ITPR2: variants seen among roughly 807,000 people sequenced by gnomAD.
ITPR2 encodes inositol 1,4,5-trisphosphate-gated calcium channel ITPR2.
A neutral mutation model predicts 317.1 loss-of-function variants in ITPR2; 207 were observed. The observed-to-expected ratio is 0.65, with a 90% confidence interval of 0.58 to 0.73. The LOEUF (loss-of-function observed/expected upper bound fraction) is 0.73. Among genes scored for constraint, ITPR2 ranks in the 30% least tolerant of loss-of-function variants. The pLI is 0.00. For synonymous variants in ITPR2, 1,156 were observed against 1,149.1 expected (o/e 1.01, Z -0.12); for missense variants, 2,613 against 3,284.0 (o/e 0.80, Z 4.99).
chr12:26,681,815 G>T, intron 13 of ITPR2, 59 bp downstream of exon 13: 2 of 1,235,478 alleles, frequency 1.6e-6, no homozygotes, highest in Non-Finnish European at 2.3e-6. Context: ...TTCATATCAG[G>T]CTTACTATAA....
intron 1 of ITPR2, among the ~76,000 whole-genome samples, chr12:26,825,590 C>T (rs190608412): frequency 1.3e-5 from 2 of 152,212 alleles, no homozygotes; most frequent in East Asian, 3.9e-4. Context: ...TAGAATAAAG[C>T]CAAGCAGTTA....
intron 2 of ITPR2, among the ~76,000 whole-genome samples, chr12:26,761,860 A>C (rs1949641284): frequency 6.6e-6 from 1 of 152,210 alleles, no homozygotes; most frequent in Non-Finnish European, 1.5e-5. Flanking sequence ...AACCAGGAAA[A>C]CAATTACACA....
chr12:26,395,589 C>T (rs889523079), intron 54 of ITPR2, among the ~76,000 whole-genome samples: 5 of 115,734 alleles, frequency 4.3e-5, no homozygotes, highest in Non-Finnish European at 8.1e-5. Context: ...TGATTATGAC[C>T]GTGAAAAAAA....
chr12:26,350,866 C>T (rs1385518388), intron 55 of ITPR2, among the ~76,000 whole-genome samples: 1 of 152,214 alleles, frequency 6.6e-6, no homozygotes, highest in Non-Finnish European at 1.5e-5. Context: ...TCCAGCCAAC[C>T]ATAAGCCTTA....
intron 9 of ITPR2, among the ~76,000 whole-genome samples, chr12:26,701,270 T>A (rs1948441091): frequency 6.6e-6 from 1 of 152,238 alleles, no homozygotes; most frequent in Admixed American, 6.5e-5. Context: ...AGTTTTTAAG[T>A]CCATAATACC....
At chr12:26,441,360 G>T (rs934186253) in intron 46 of ITPR2, among the ~76,000 whole-genome samples, 1 of 152,110 alleles carries the variant, frequency 6.6e-6, no homozygotes, top group Non-Finnish European at 1.5e-5. Flanking sequence ...TCAATAACAT[G>T]AATTGTTGTG....
rs74475399 is a variant in ITPR2, at chr12:26,570,595, T to C, written c.4630+8118A>G. ...ATTGATGTTTATTATTCAAAACATTTGTAAAAGATATTTTATGGAATTTCC... is the reference window on the plus strand; with the variant it reads ...ATTGATGTTTATTATTCAAAACATTCGTAAAAGATATTTTATGGAATTTCC... On this transcript the variant is annotated intron_variant, in intron 34 of 56. Transcript: ENST00000381340. Among the ~76,000 whole-genome samples the C allele has an allele frequency of 7.6e-3, 1,160 of 152,334 alleles. 4 individuals are homozygous for C. The highest frequency in any genetic ancestry group is 0.027 in the African/African-American group (1,105 of 41,558).
chr12:26,669,612 G>C (rs1207494166), intron 13 of ITPR2, among the ~76,000 whole-genome samples: 2 of 152,222 alleles, frequency 1.3e-5, no homozygotes, highest in African/African-American at 4.8e-5. Context: ...AGCTCCCAGC[G>C]TGAGTGAAGC....
intron 1 of ITPR2, 128 bp downstream of exon 1, chr12:26,832,562 C>T (rs1274739518): frequency 1.0e-5 from 6 of 583,632 alleles, no homozygotes; most frequent in Non-Finnish European, 2.9e-6. Context: ...GCGCTGTCCG[C>T]GGGCGCCGAC....
chr12:26,551,314 A>G (rs745945827), intron 36 of ITPR2, among the ~76,000 whole-genome samples: 4 of 152,190 alleles, frequency 2.6e-5, no homozygotes, highest in Non-Finnish European at 4.4e-5. Context: ...TTACCCTCAC[A>G]CCAAGCCTAT....
rs367973764 is a variant in ITPR2 at position 26,783,189 on chromosome 12, A to T, written c.163+6968T>A. On this transcript the variant is annotated intron_variant, in intron 2 of 56. Coordinates refer to ENST00000381340, the MANE Select transcript of ITPR2 (RefSeq NM_002223.4). Reference sequence around the variant, plus strand: ...GCACAGCAATGAAATTCTCTATATTAGTTCCAATTCCTGAAGCATTCTGAC... The same window carrying T: ...GCACAGCAATGAAATTCTCTATATTTGTTCCAATTCCTGAAGCATTCTGAC... Among the ~76,000 whole-genome samples the T allele has an allele frequency of 9.2e-5, 14 of 152,350 alleles. No homozygotes were observed. The East Asian group carries it at 1.3e-3, about 15-fold the overall frequency.
intron 22 of ITPR2, among the ~76,000 whole-genome samples, 155 bp downstream of exon 22, chr12:26,631,711 T>C (rs537725508): frequency 1.3e-5 from 2 of 152,380 alleles, no homozygotes; most frequent in South Asian, 4.1e-4. Context: ...GTCTGTGTGA[T>C]ATTTTTTACC....
At position 26,469,144 on chromosome 12, in the gene ITPR2, G is replaced by A. The variant is rs552039265; in HGVS notation, c.6342+6152C>T. Among the ~76,000 whole-genome samples, 12 of 152,188 alleles carry A rather than the reference G, an allele frequency of 7.9e-5. No individual in the cohort carries two copies. The South Asian group carries it at 2.1e-3, about 26-fold the overall frequency. ...TCAATTATAATGATTTATCTCTCTC[G>A]CTCTTCCTTTTATATACACTTCATT... On this transcript the variant is annotated intron_variant, in intron 45 of 56. Transcript: ENST00000381340.
At chr12:26,401,073 T>C (rs1189428585) in intron 52 of ITPR2, among the ~76,000 whole-genome samples, 1 of 150,432 alleles carries the variant, frequency 6.6e-6, no homozygotes. Context: ...CTACTAAAAA[T>C]CAAAAATTAG....
At chr12:26,561,553 CAG>C (rs1012104061) in intron 35 of ITPR2, among the ~76,000 whole-genome samples, 17 of 152,192 alleles carry the variant, frequency 1.1e-4, no homozygotes, top group African/African-American at 3.9e-4. Context: ...ACTATCAAAA[CAG>C]AGTTATTAAT....
At chr12:26,563,236 G>A (rs1047192332) in intron 34 of ITPR2, among the ~76,000 whole-genome samples, 5 of 152,206 alleles carry the variant, frequency 3.3e-5, no homozygotes, top group African/African-American at 1.2e-4. Flanking sequence ...TGATAGAGAA[G>A]CAAAATGGAG....
chr12:26,421,253 C>G (rs1211395758), intron 49 of ITPR2: 1 of 152,150 alleles, frequency 6.6e-6, no homozygotes, highest in Non-Finnish European at 1.5e-5. Context: ...GATTTGCCTT[C>G]TTTGTTTTCA....
intron 22 of ITPR2, among the ~76,000 whole-genome samples, chr12:26,629,594 A>G (rs1946701335): frequency 6.6e-6 from 1 of 151,720 alleles, no homozygotes; most frequent in South Asian, 2.1e-4. Flanking sequence ...TCAAAAAAAA[A>G]AAAAATCCTC....
chr12:26,474,705 A>G lies in ITPR2; in HGVS notation c.6342+591T>C, dbSNP rs993871291. On this transcript the variant is annotated intron_variant, in intron 45 of 56. Coordinates refer to ENST00000381340, the MANE Select transcript of ITPR2 (RefSeq NM_002223.4). ...GCTACTTGGGAGGCTGAGGCAGGAG[A>G]ATGGCGTGAACCCGGGAGGCGGAGC... is the stretch of plus-strand genomic sequence containing the variant. Among the ~76,000 whole-genome samples the G allele has an allele frequency of 2.7e-5, 4 of 148,424 alleles. 1 individual carries two copies. The highest frequency in any genetic ancestry group is 9.9e-5 in the African/African-American group (4 of 40,508).
Sources: gnomAD v4.1 joint callset for allele counts (sites outside exome capture counted in the v4.1 genomes callset) on GRCh38, gnomAD v4.1.1 for gene constraint, MANE v1.5 for transcripts, NCBI Gene and HGNC (gene_info 2026-07-23, HGNC 2026-07-21) for gene names.